STON1: variants seen among roughly 807,000 people sequenced by gnomAD.
STON1 encodes stonin-1.
Under a neutral mutation model 60.9 loss-of-function variants are expected in STON1, and 79 were observed. That is an observed-to-expected ratio of 1.30 (90% CI 1.08 to 1.56). The LOEUF is 1.56. Among genes scored for constraint, STON1 ranks in the 40% most tolerant of loss-of-function variants. The pLI, the probability that STON1 is intolerant of heterozygous loss-of-function variation, is 0.00. For synonymous variants in STON1, 363 were observed against 306.9 expected (o/e 1.18, Z -1.91); for missense variants, 1,166 against 858.9 (o/e 1.36, Z -4.47).
chr2:48,595,436 G>C lies in STON1; in HGVS notation c.*134G>C. 1.4e-6 allele frequency: 1 copy of C among 712,282 alleles called. No homozygotes were observed. The highest frequency in any genetic ancestry group is 2.3e-6 in the Non-Finnish European group (1 of 432,324). The allele number at this position is 712,282 out of a possible 1,614,324, so 44.1% of individuals were successfully genotyped here. On this transcript the variant is annotated 3_prime_UTR_variant, in exon 4 of 4. Transcript: ENST00000404752. ...AGGACAGGTCTGATGGCTGTGTTTA[G>C]AGAAGTTTAGACCTAAAACCGAACA...
chr2:48,581,804 A>C lies in STON1; in HGVS notation c.1171A>C (p.Thr391Pro). 6.2e-7 allele frequency: 1 copy of C among 1,614,206 alleles called. No homozygotes were observed. The highest frequency in any genetic ancestry group is 1.7e-5 in the Admixed American group (1 of 60,020). The change falls in exon 2 of 4, where the codon ACT (threonine) becomes CCT (proline). Residue 391 changes from threonine (T) to proline (P), a missense_variant. Physicochemically the swap from Thr to Pro is conservative, Grantham distance 38. Transcript: ENST00000404752. ...GTACCATGACTTCCTTGACTTTCTG[A>C]CTACTGTGGAGGAGGAGCTGATGAA... Reference protein sequence around the residue: ...TSYHDFLDFLTTVEEELMKLP... With the variant: ...TSYHDFLDFLPTVEEELMKLP...
intron 1 of STON1, among the ~76,000 whole-genome samples, chr2:48,546,949 A>G (rs1294726027): frequency 6.6e-6 from 1 of 152,220 alleles, no homozygotes; most frequent in Non-Finnish European, 1.5e-5. Flanking sequence ...AGCTTACTTC[A>G]AATCTTACTG....
intron 1 of STON1, among the ~76,000 whole-genome samples, chr2:48,557,945 A>G (rs528970842): frequency 6.6e-6 from 1 of 152,350 alleles, no homozygotes; most frequent in South Asian, 2.1e-4. Flanking sequence ...AAAATCTGTC[A>G]GGTGCGGTGG....
At chr2:48,542,570 C>G (rs570839097) in intron 1 of STON1, among the ~76,000 whole-genome samples, 2 of 152,204 alleles carry the variant, frequency 1.3e-5, no homozygotes, top group South Asian at 2.1e-4. Context: ...ATTATCTCCA[C>G]TCTCCTATTC....
At chr2:48,555,254 A>T (rs1672276115) in intron 1 of STON1, among the ~76,000 whole-genome samples, 1 of 107,772 alleles carries the variant, frequency 9.3e-6, no homozygotes. Flanking sequence ...CACCTCCCAG[A>T]CGGGGAGGTG....
At position 48,553,498 on chromosome 2, in the gene STON1, T is replaced by C. The variant is rs543524456; in HGVS notation, c.-48+23282T>C. On this transcript the variant is annotated intron_variant, in intron 1 of 3. Transcript: ENST00000404752. ...TCCTGTCCTGTCCTTTCCTCTTTCC[T>C]TTTTTTGAGGTGGAGTTTTGCTCTT... Among the ~76,000 whole-genome samples the C allele has an allele frequency of 4.6e-5, 7 of 151,762 alleles. No individual in the cohort carries two copies. The East Asian group carries it at 1.4e-3, about 30-fold the overall frequency.
At chr2:48,576,180 C>T (rs1673485033) in intron 1 of STON1, among the ~76,000 whole-genome samples, 1 of 121,328 alleles carries the variant, frequency 8.2e-6, no homozygotes, top group Non-Finnish European at 1.7e-5. Context: ...TTGTTGTTTT[C>T]CTTTCTTTTT....
chr2:48,550,515 A>G (rs1359939819), intron 1 of STON1, among the ~76,000 whole-genome samples: 1 of 149,598 alleles, frequency 6.7e-6, no homozygotes, highest in Non-Finnish European at 1.5e-5. Flanking sequence ...AAAAAAGACA[A>G]AAACCCCACA....
At chr2:48,536,810 ATTACT>A (rs1425052584) in intron 1 of STON1, among the ~76,000 whole-genome samples, 2 of 152,152 alleles carry the variant, frequency 1.3e-5, no homozygotes, top group Non-Finnish European at 2.9e-5. Context: ...CAGGTGAATG[ATTACT>A]GGTGATTTCC....
rs751975305 is a variant in STON1, at chr2:48,567,779, G to A, written c.-47-12808G>A. On this transcript the variant is annotated intron_variant, in intron 1 of 3. Transcript: ENST00000404752. Reference sequence around the variant, plus strand: ...CAGCTGCATGTTAACACACTGGCCTGTCCCTGACTTTGGCTTTGTTTCCAG... The same window carrying A: ...CAGCTGCATGTTAACACACTGGCCTATCCCTGACTTTGGCTTTGTTTCCAG... Among the ~76,000 whole-genome samples the A allele has an allele frequency of 2.1e-4, 32 of 152,306 alleles. 1 individual carries two copies. Among genetic ancestry groups the A allele is most frequent in the Middle Eastern group, 3.4e-3 (1 of 294 alleles).
chr2:48,550,819 C>A (rs1393439396), intron 1 of STON1, among the ~76,000 whole-genome samples: 1 of 151,592 alleles, frequency 6.6e-6, no homozygotes, highest in Non-Finnish European at 1.5e-5. Context: ...GAGGAAAACA[C>A]CTTCAGAGTT....
intron 1 of STON1, among the ~76,000 whole-genome samples, chr2:48,539,316 T>A (rs1671563177): frequency 6.6e-6 from 1 of 152,204 alleles, no homozygotes; most frequent in African/African-American, 2.4e-5. Context: ...CAGCTTGTTC[T>A]TATCTATATT....
chr2:48,564,405 G>GTCGTCT (rs1553359255), intron 1 of STON1, among the ~76,000 whole-genome samples: 1 of 82,940 alleles, frequency 1.2e-5, no homozygotes, highest in Non-Finnish European at 2.5e-5. Flanking sequence ...CAGTGGCGGT[G>GTCGTCT]TCTTCTTCTT....
intron 1 of STON1, among the ~76,000 whole-genome samples, chr2:48,576,825 C>T (rs114963755): frequency 0.028 from 4,280 of 150,248 alleles, 77 homozygotes; most frequent in Middle Eastern, 0.082. Flanking sequence ...GAGGCAGAGA[C>T]GGGTGGAGCA....
At chr2:48,530,407 G>C (rs914801193) in intron 1 of STON1, 191 bp downstream of exon 1, 4 of 232,628 alleles carry the variant, frequency 1.7e-5, no homozygotes, top group African/African-American at 9.6e-5. Flanking sequence ...GCCCGCAGAG[G>C]GATGGCCTCC....
intron 1 of STON1, among the ~76,000 whole-genome samples, chr2:48,532,742 G>T (rs932887988): frequency 5.9e-5 from 9 of 152,142 alleles, no homozygotes; most frequent in African/African-American, 2.2e-4. Context: ...AAGGCCACGG[G>T]GGCCTGGACC....
chr2:48,581,772 C>G lies in STON1; in HGVS notation c.1139C>G (p.Ser380Cys). The G allele has an allele frequency of 6.2e-7, 1 of 1,613,904 alleles. No individual in the cohort carries two copies. Among genetic ancestry groups the G allele is most frequent in the East Asian group, 2.2e-5 (1 of 44,874 alleles). The change falls in exon 2 of 4, where the codon TCC (serine) becomes TGC (cysteine). Residue 380 changes from serine (S) to cysteine (C), a missense_variant. By Grantham distance (112) the Ser-to-Cys change is moderately radical. Coordinates refer to ENST00000404752, the MANE Select transcript of STON1 (RefSeq NM_006873.4). ...PDIEQMLKLG[S>C]TSYHDFLDFL... ...ATAGAGCAGATGCTGAAGTTGGGGT[C>G]CACATCGTACCATGACTTCCTTGAC... is the stretch of plus-strand genomic sequence containing the variant.
At chr2:48,539,478 A>G (rs1671569713) in intron 1 of STON1, among the ~76,000 whole-genome samples, 1 of 152,058 alleles carries the variant, frequency 6.6e-6, no homozygotes, top group Non-Finnish European at 1.5e-5. Flanking sequence ...GCAAGTTTTA[A>G]CCCATGTGTG....
At chr2:48,577,053 CAAAAA>C (rs55808207) in intron 1 of STON1, among the ~76,000 whole-genome samples, 2 of 139,852 alleles carry the variant, frequency 1.4e-5, no homozygotes, top group Non-Finnish European at 3.1e-5. Flanking sequence ...GATTCCATCT[CAAAAA>C]AAAAAAGAAA....
Sources: allele counts gnomAD v4.1 joint callset (sites outside exome capture counted in the v4.1 genomes callset), GRCh38; gene constraint gnomAD v4.1.1; transcripts MANE v1.5; gene names NCBI Gene and HGNC (gene_info 2026-07-23, HGNC 2026-07-21).